The following SORT1 variants were observed in gnomAD, a reference collection of about 807,000 sequenced individuals.
SORT1 encodes sortilin 1.
Under a neutral mutation model 101.7 loss-of-function variants are expected in SORT1, and 39 were observed. The observed-to-expected ratio is 0.38, with a 90% confidence interval of 0.30 to 0.50. The LOEUF is 0.50. SORT1 is among the 20% of genes least tolerant of loss of function. The probability of loss-of-function intolerance (pLI) is 0.90; values close to 1 mark genes in which losing one functional copy is unlikely to be tolerated. For synonymous variants in SORT1, 396 were observed against 393.7 expected, an observed-to-expected ratio of 1.01 and a Z score of -0.07; for missense variants, 878 against 1,040.4, an observed-to-expected ratio of 0.84 and a Z score of 2.15.
chr1:109,377,005 T>C (rs1358266601), intron 1 of SORT1, among the ~76,000 whole-genome samples: 1 of 152,174 alleles, frequency 6.6e-6, no homozygotes, highest in Non-Finnish European at 1.5e-5. Context: ...GTGAAAAAGA[T>C]CTGAAAGACA....
intron 8 of SORT1, among the ~76,000 whole-genome samples, chr1:109,343,520 T>C (rs528949834): frequency 2.0e-5 from 3 of 152,290 alleles, no homozygotes; most frequent in Admixed American, 2.0e-4. Flanking sequence ...ACCTACTTAC[T>C]CCTCCAGAAG....
chr1:109,354,513 C>A lies in SORT1; in HGVS notation c.562G>T (p.Val188Leu). ...CTTCCTCCACGACTTCCTCCAGACA[C>A]CTCTGCTGTTAACACCACCTGATAG... ...NSGKVVLTAEVSGGSRGGRIF... is the reference protein window; with the variant it reads ...NSGKVVLTAELSGGSRGGRIF... The change falls in exon 5 of 20, where the codon GTG becomes TTG. Residue 188 changes from valine to leucine, a missense_variant. This residue lies in a region of SORT1 where 684 missense variants were observed against 894.5 expected (regional missense o/e 0.76). Transcript: ENST00000256637. 6.2e-7 allele frequency: 1 copy of A among 1,613,350 alleles called. No individual in the cohort carries two copies.
chr1:109,345,050 G>A (rs1264580437), intron 8 of SORT1, among the ~76,000 whole-genome samples: 1 of 152,096 alleles, frequency 6.6e-6, no homozygotes, highest in Non-Finnish European at 1.5e-5. Flanking sequence ...AGTTCTGAGA[G>A]CAGGAAATTC....
At position 109,347,354 on chromosome 1, in the gene SORT1, C is replaced by T. The variant is rs117009076; in HGVS notation, c.832+129G>A. 215 of 623,210 alleles carry T rather than the reference C, an allele frequency of 3.4e-4. 1 individual carries two copies. In the East Asian group the frequency reaches 6.2e-3, roughly 18 times the overall value. 38.6% of individuals were successfully genotyped at this position (623,210 alleles called of 1,614,324 possible). On this transcript the variant is annotated intron_variant, in intron 7 of 19. Transcript: ENST00000256637. ...CTTTCAAGATTTTAATAACCACTAACAGCTTTCTTTAGCTATTACAATTTC... is the reference window on the plus strand; with the variant it reads ...CTTTCAAGATTTTAATAACCACTAATAGCTTTCTTTAGCTATTACAATTTC...
In SORT1 at chr1:109,397,749, C is replaced by A. The variant is rs1245634280; in HGVS notation, c.144G>T (p.Pro48=). Residue 48 remains proline (P), a synonymous_variant, in exon 1 of 20, where the codon CCG becomes CCT. Transcript: ENST00000256637. The stretch of plus-strand genomic sequence containing the variant: ...TCACCCCGATGGGGCCAGACCAGCG[C>A]GGCAGCGGCGCAGCGGGCGGCGGCG... ...DAPPPPAAPL[P]RWSGPIGVSW... The A allele has an allele frequency of 8.2e-5, 98 of 1,198,314 alleles. 1 individual carries two copies. Among genetic ancestry groups the A allele is most frequent in the Non-Finnish European group, 9.6e-5 (93 of 966,194 alleles). The allele number at this position is 1,198,314 out of a possible 1,614,324, so 74.2% of individuals were successfully genotyped here.
intron 1 of SORT1, among the ~76,000 whole-genome samples, chr1:109,376,749 C>T (rs139866740): frequency 3.3e-5 from 5 of 152,220 alleles, no homozygotes; most frequent in East Asian, 1.9e-4. Context: ...AGAGGAGGGA[C>T]GCAGGTGAGT....
chr1:109,367,825 G>A (rs1009047941), intron 2 of SORT1, among the ~76,000 whole-genome samples: 1 of 152,172 alleles, frequency 6.6e-6, no homozygotes, highest in African/African-American at 2.4e-5. Context: ...AGAATAGCGT[G>A]GGTGTTCTCA....
intron 11 of SORT1, among the ~76,000 whole-genome samples, chr1:109,328,026 T>C (rs1289191236): frequency 6.6e-6 from 1 of 152,244 alleles, no homozygotes; most frequent in Non-Finnish European, 1.5e-5. Context: ...GGCTCATCCA[T>C]GTTGTATTAA....
At chr1:109,379,314 AAT>A (rs58820425) in intron 1 of SORT1, among the ~76,000 whole-genome samples, 2,689 of 152,098 alleles carry the variant, frequency 0.018, 86 homozygotes, top group African/African-American at 0.062. Flanking sequence ...AAAAAAAAAA[AAT>A]CATACAAAAA....
chr1:109,324,748 A>G (rs1476650435), intron 14 of SORT1, 151 bp downstream of exon 14: 2 of 564,996 alleles, frequency 3.5e-6, no homozygotes, highest in Non-Finnish European at 6.3e-6. Flanking sequence ...ATGCCATTCC[A>G]TTACTTAATC....
At chr1:109,374,164 A>C (rs112522051) in intron 1 of SORT1, among the ~76,000 whole-genome samples, 54 of 152,342 alleles carry the variant, frequency 3.5e-4, no homozygotes, top group African/African-American at 1.2e-3. Flanking sequence ...AAATCAAACT[A>C]ACTCAGAAAT....
intron 1 of SORT1, among the ~76,000 whole-genome samples, chr1:109,396,093 A>AG (rs1160571949): frequency 6.6e-6 from 1 of 152,086 alleles, no homozygotes; most frequent in Non-Finnish European, 1.5e-5. Flanking sequence ...CAAAAAAAAA[A>AG]TAGTAATTAC....
intron 3 of SORT1, among the ~76,000 whole-genome samples, chr1:109,356,700 AAAAC>A (rs1307149306): frequency 1.3e-5 from 2 of 152,264 alleles, no homozygotes; most frequent in Non-Finnish European, 2.9e-5. Flanking sequence ...ACAGCTAGGA[AAAAC>A]AAACAAACTT....
chr1:109,348,286 G>A (rs1037696877), intron 6 of SORT1, among the ~76,000 whole-genome samples: 10 of 151,626 alleles, frequency 6.6e-5, no homozygotes, highest in Admixed American at 5.9e-4. Context: ...AAAGGTGTTG[G>A]TTTTGAGCAT....
chr1:109,353,924 T>C (rs1650128491), intron 5 of SORT1, among the ~76,000 whole-genome samples: 1 of 152,096 alleles, frequency 6.6e-6, no homozygotes, highest in African/African-American at 2.4e-5. Flanking sequence ...TTTGGATATT[T>C]AATACATGAG....
At chr1:109,352,651 TAGC>T (rs1650042771) in intron 5 of SORT1, among the ~76,000 whole-genome samples, 1 of 152,208 alleles carries the variant, frequency 6.6e-6, no homozygotes, top group Non-Finnish European at 1.5e-5. Flanking sequence ...ACTCACATCC[TAGC>T]ATTTCTAATT....
chr1:109,325,071 A>G lies in SORT1; in HGVS notation c.1662T>C (p.Gly554=). 1 of 1,611,094 alleles carries G rather than the reference A, an allele frequency of 6.2e-7. No individual in the cohort carries two copies. Among genetic ancestry groups the G allele is most frequent in the South Asian group, 1.1e-5 (1 of 90,978 alleles). ...INVIKFSTDE[G]QCWQTYTFTR... ...TGAACGTGTAGGTTTGCCAGCATTG[A>G]CCTTCGTCTGTGGAGAACCTGAAAC... Residue 554 remains glycine, a synonymous_variant, in exon 14 of 20, where the codon GGT becomes GGC. Transcript: ENST00000256637.
chr1:109,323,621 T>C (rs1383076736), intron 14 of SORT1, among the ~76,000 whole-genome samples: 3 of 152,264 alleles, frequency 2.0e-5, no homozygotes, highest in African/African-American at 7.2e-5. Context: ...CCTAGACTTC[T>C]AGCTCAGTTG....
chr1:109,394,521 G>A (rs760435466), intron 1 of SORT1, among the ~76,000 whole-genome samples: 1 of 152,130 alleles, frequency 6.6e-6, no homozygotes, highest in African/African-American at 2.4e-5. Flanking sequence ...TCAGGACACC[G>A]GTCTCCTTAA....
Sources: gnomAD v4.1 joint callset for allele counts (sites outside exome capture counted in the v4.1 genomes callset) on GRCh38, gnomAD v4.1.1 for gene constraint, gnomAD v4.1.1 regional missense constraint, MANE v1.5 for transcripts, NCBI Gene and HGNC (gene_info 2026-07-23, HGNC 2026-07-21) for gene names.